VPS54: variants seen among roughly 807,000 people sequenced by gnomAD.
The protein encoded by VPS54 is vacuolar protein sorting-associated protein 54.
In VPS54, 45 loss-of-function variants were observed where a neutral mutation model predicts 121.5. That is an observed-to-expected ratio of 0.37 (90% CI 0.29 to 0.47). The LOEUF (loss-of-function observed/expected upper bound fraction) is 0.47, where lower values mean the gene tolerates loss of function less well. VPS54 is among the 20% of genes least tolerant of loss of function. VPS54 has a pLI of 0.99. For synonymous variants in VPS54, 371 were observed against 385.8 expected (o/e 0.96, Z 0.45); for missense variants, 1,090 against 1,131.4 (o/e 0.96, Z 0.52).
At chr2:63,922,722 T>G (rs1330386886) in intron 12 of VPS54, among the ~76,000 whole-genome samples, 1 of 152,150 alleles carries the variant, frequency 6.6e-6, no homozygotes, top group Non-Finnish European at 1.5e-5. Context: ...ATATAAACAG[T>G]CTAGTAGTAT....
chr2:64,011,358 G>A (rs889996913), intron 1 of VPS54, among the ~76,000 whole-genome samples: 2 of 151,792 alleles, frequency 1.3e-5, no homozygotes, highest in African/African-American at 4.8e-5. Flanking sequence ...ACAAGGACAG[G>A]ATATCCAGAC....
At chr2:63,927,251 A>G (rs1430066473) in intron 12 of VPS54, among the ~76,000 whole-genome samples, 1 of 152,154 alleles carries the variant, frequency 6.6e-6, no homozygotes, top group Non-Finnish European at 1.5e-5. Flanking sequence ...GACACCTCCC[A>G]GTAGGGGGCC....
chr2:64,007,749 A>G (rs1428331703), intron 1 of VPS54, among the ~76,000 whole-genome samples: 3 of 152,208 alleles, frequency 2.0e-5, no homozygotes, highest in African/African-American at 7.2e-5. Flanking sequence ...AAGAAGGGGT[A>G]GGGCAAATAT....
intron 3 of VPS54, among the ~76,000 whole-genome samples, chr2:63,978,654 C>G (rs1318009763): frequency 2.6e-5 from 4 of 152,192 alleles, no homozygotes; most frequent in East Asian, 3.9e-4. Flanking sequence ...TGGAGTCTTG[C>G]TGTCACCCAG....
chr2:63,970,097 C>A (rs1245280412), intron 4 of VPS54, among the ~76,000 whole-genome samples: 1 of 151,324 alleles, frequency 6.6e-6, no homozygotes, highest in Non-Finnish European at 1.5e-5. Context: ...CTGCTGTGAG[C>A]TTGGTTAATC....
chr2:63,899,762 A>G lies in VPS54; in HGVS notation c.2626-181T>C, dbSNP rs115632295. 5.8e-3 allele frequency among the ~76,000 whole-genome samples: 885 copies of G among 152,356 alleles called. 10 individuals are homozygous for G. Among genetic ancestry groups the G allele is most frequent in the African/African-American group, 0.02 (825 of 41,580 alleles). On this transcript the variant is annotated intron_variant, in intron 20 of 22. Transcript: ENST00000272322. ...ACAAATCTTGAGAACTTTTCATTCAACATCTTAATTCACTTTGAAGGAACT... is the reference window on the plus strand; with the variant it reads ...ACAAATCTTGAGAACTTTTCATTCAGCATCTTAATTCACTTTGAAGGAACT...
At chr2:63,897,815 A>C (rs1227395531) in intron 21 of VPS54, among the ~76,000 whole-genome samples, 1 of 152,154 alleles carries the variant, frequency 6.6e-6, no homozygotes, top group Non-Finnish European at 1.5e-5. Flanking sequence ...TTTTGGAAAA[A>C]TTCCCGTAAG....
In VPS54 at chr2:63,962,488, T is replaced by C. The variant is rs562804471; in HGVS notation, c.625-45A>G. The stretch of plus-strand genomic sequence containing the variant: ...AAATATGAAGTACTATGAGCATACC[T>C]TCCTTGATTATCCAAATACTTTATG... On this transcript the variant is annotated intron_variant, in intron 6 of 22. Coordinates refer to ENST00000272322, the MANE Select transcript of VPS54 (RefSeq NM_016516.3). The C allele has an allele frequency of 1.2e-5, 19 of 1,528,220 alleles. No homozygotes were observed. The African/African-American group carries it at 2.5e-4, about 20-fold the overall frequency. 94.7% of individuals were successfully genotyped at this position (1,528,220 alleles called of 1,614,324 possible).
At chr2:64,000,307 G>C (rs1020441554) in intron 1 of VPS54, among the ~76,000 whole-genome samples, 1 of 152,120 alleles carries the variant, frequency 6.6e-6, no homozygotes, top group African/African-American at 2.4e-5. Flanking sequence ...GTGTTATCTT[G>C]AATTTCTCTG....
At chr2:63,955,498 C>T (rs1478883649) in intron 7 of VPS54, among the ~76,000 whole-genome samples, 1 of 151,934 alleles carries the variant, frequency 6.6e-6, no homozygotes, top group African/African-American at 2.4e-5. Context: ...TAAAACTTTC[C>T]CTCATTTCGG....
chr2:63,979,303 G>A lies in VPS54; in HGVS notation c.378+2343C>T, dbSNP rs146083338. Among the ~76,000 whole-genome samples, 535 of 149,636 alleles carry A rather than the reference G, an allele frequency of 3.6e-3. 3 individuals are homozygous for A. Among genetic ancestry groups the A allele is most frequent in the Middle Eastern group, 0.017 (5 of 290 alleles). On this transcript the variant is annotated intron_variant, in intron 3 of 22. Coordinates refer to ENST00000272322, the MANE Select transcript of VPS54 (RefSeq NM_016516.3). ...CACCCAGGCTAGAGTGCAATGGTGCGATCTCGGCTCACTGCAACCTCAACC... is the reference window on the plus strand; with the variant it reads ...CACCCAGGCTAGAGTGCAATGGTGCAATCTCGGCTCACTGCAACCTCAACC...
At chr2:64,003,260 G>C (rs1008701707) in intron 1 of VPS54, among the ~76,000 whole-genome samples, 1 of 152,134 alleles carries the variant, frequency 6.6e-6, no homozygotes, top group African/African-American at 2.4e-5. Context: ...ATTTCTGATA[G>C]TTCAAGTTAA....
chr2:63,941,048 A>G (rs1250992027), intron 11 of VPS54, among the ~76,000 whole-genome samples: 8 of 152,196 alleles, frequency 5.3e-5, no homozygotes, highest in Non-Finnish European at 8.8e-5. Context: ...AATGTCATAC[A>G]CAAGTACCAA....
intron 11 of VPS54, 98 bp downstream of exon 11, chr2:63,942,367 G>T: frequency 1.2e-6 from 1 of 800,458 alleles, no homozygotes; most frequent in Non-Finnish European, 1.8e-6. Flanking sequence ...CAAAGAAACT[G>T]TGTTTTATTC....
At chr2:63,899,050 T>G (rs1575879766) in intron 21 of VPS54, among the ~76,000 whole-genome samples, 1 of 152,228 alleles carries the variant, frequency 6.6e-6, no homozygotes, top group Non-Finnish European at 1.5e-5. Flanking sequence ...TAAAGCAGAT[T>G]GAGTTAATTA....
In VPS54 at chr2:63,962,577, T is replaced by G. The variant is rs956892379; in HGVS notation, c.625-134A>C. ...TTGTGTGAATTGTTTGATTGTGAGA[T>G]CCTTGAAATTGGGCACAACAAAATG... On this transcript the variant is annotated intron_variant, in intron 6 of 22. Transcript: ENST00000272322. 3.5e-6 allele frequency: 4 copies of G among 1,150,884 alleles called. No homozygotes were observed. In the East Asian group the frequency reaches 1.0e-4, roughly 30 times the overall value. The allele number at this position is 1,150,884 out of a possible 1,614,324, so 71.3% of individuals were successfully genotyped here.
At chr2:63,973,845 C>T (rs1676398181) in intron 3 of VPS54, among the ~76,000 whole-genome samples, 1 of 152,142 alleles carries the variant, frequency 6.6e-6, no homozygotes, top group African/African-American at 2.4e-5. Context: ...CACACCTGAC[C>T]ACCAATCCTG....
intron 1 of VPS54, among the ~76,000 whole-genome samples, chr2:64,011,380 A>G (rs183448963): frequency 6.4e-4 from 97 of 152,268 alleles, no homozygotes; most frequent in African/African-American, 2.3e-3. Context: ...ATCATGGCCA[A>G]CATGGTAAAA....
intron 6 of VPS54, among the ~76,000 whole-genome samples, chr2:63,962,766 G>A (rs929826499): frequency 6.6e-6 from 1 of 152,082 alleles, no homozygotes; most frequent in African/African-American, 2.4e-5. Flanking sequence ...AGTTTCAGAT[G>A]TTCTAAGATC....
Sources: gnomAD v4.1 joint callset for allele counts (sites outside exome capture counted in the v4.1 genomes callset) on GRCh38, gnomAD v4.1.1 for gene constraint, MANE v1.5 for transcripts, NCBI Gene and HGNC (gene_info 2026-07-23, HGNC 2026-07-21) for gene names.